Variants in RBFOX1 observed in about 807,000 individuals in gnomAD.
RBFOX1 encodes the protein RNA binding protein fox-1 homolog 1.
Under a neutral mutation model 57.7 loss-of-function variants are expected in RBFOX1, and 8 were observed. That is an observed-to-expected ratio of 0.14 (90% confidence interval 0.08 to 0.25). The LOEUF is 0.25. Among genes scored for constraint, RBFOX1 ranks in the 10% least tolerant of loss-of-function variants. The pLI, the probability that RBFOX1 is intolerant of heterozygous loss-of-function variation, is 1.00. For missense variants in RBFOX1, 611 were observed against 548.5 expected (o/e 1.11, Z -1.14); for synonymous variants, 326 against 222.4 (o/e 1.47, Z -4.15).
At chr16:7,341,761 T>G (rs1401536624) in intron 4 of RBFOX1, among the ~76,000 whole-genome samples, 1 of 74,180 alleles carries the variant, frequency 1.3e-5, no homozygotes, top group African/African-American at 5.8e-5. Flanking sequence ...CCTCCTTCCC[T>G]CCTTCCCTCC....
chr16:7,579,175 C>A (rs563119717), intron 5 of RBFOX1, among the ~76,000 whole-genome samples: 1 of 152,136 alleles, frequency 6.6e-6, no homozygotes, highest in Non-Finnish European at 1.5e-5. Context: ...TAGTGGACAG[C>A]AAAAGTTTGT....
At chr16:6,868,008 A>G (rs908999678) in intron 3 of RBFOX1, among the ~76,000 whole-genome samples, 12 of 152,192 alleles carry the variant, frequency 7.9e-5, no homozygotes, top group Non-Finnish European at 2.9e-5. Context: ...AGAAGCTGAA[A>G]CTACTATACT....
intron 4 of RBFOX1, among the ~76,000 whole-genome samples, chr16:7,186,994 C>CAAAAAA (rs35177784): frequency 7.2e-5 from 5 of 69,288 alleles, no homozygotes; most frequent in African/African-American, 2.6e-4. Context: ...CCCACCTCCA[C>CAAAAAA]AAAAAAAAAA....
intron 4 of RBFOX1, among the ~76,000 whole-genome samples, chr16:7,259,050 A>G (rs1373261461): frequency 6.6e-6 from 1 of 152,110 alleles, no homozygotes; most frequent in African/African-American, 2.4e-5. Context: ...CTTTGAGAAA[A>G]CTAGTAGCTA....
chr16:6,502,037 A>C (rs1168626451), intron 2 of RBFOX1, among the ~76,000 whole-genome samples: 3 of 152,130 alleles, frequency 2.0e-5, no homozygotes, highest in African/African-American at 7.2e-5. Flanking sequence ...GGGGGTCATG[A>C]GGGTATAACC....
chr16:7,431,525 C>T (rs1000629172), intron 4 of RBFOX1, among the ~76,000 whole-genome samples: 3 of 152,146 alleles, frequency 2.0e-5, no homozygotes, highest in African/African-American at 7.2e-5. Context: ...TGGGCGTGAG[C>T]CACCGCGCCA....
intron 2 of RBFOX1, among the ~76,000 whole-genome samples, chr16:5,501,539 G>C (rs374481410): frequency 3.7e-4 from 56 of 152,062 alleles, no homozygotes; most frequent in African/African-American, 1.2e-3. Flanking sequence ...CAAATCCAAG[G>C]CTGGCTTTGG....
At chr16:6,410,220 G>A (rs961785122) in intron 2 of RBFOX1, among the ~76,000 whole-genome samples, 2 of 149,270 alleles carry the variant, frequency 1.3e-5, no homozygotes, top group African/African-American at 5.0e-5. Flanking sequence ...GCATATGAAT[G>A]TGCTTTTACA....
chr16:6,695,412 T>TA (rs2060877088), intron 3 of RBFOX1, among the ~76,000 whole-genome samples: 1 of 13,832 alleles, frequency 7.2e-5, no homozygotes, highest in Non-Finnish European at 1.5e-4. Context: ...AGAAACTCTG[T>TA]CAAAAAAAAA....
At chr16:7,105,590 A>G (rs11643341) in intron 4 of RBFOX1, among the ~76,000 whole-genome samples, 30,262 of 151,882 alleles carry the variant, frequency 0.2, 3,289 homozygotes, top group East Asian at 0.34. Context: ...TTGGTTTTGC[A>G]TTCCTGAGTT....
At chr16:6,680,179 A>T (rs971554537) in intron 3 of RBFOX1, among the ~76,000 whole-genome samples, 1 of 151,790 alleles carries the variant, frequency 6.6e-6, no homozygotes. Context: ...TAGAATAGCA[A>T]TTTCGTATGG....
intron 2 of RBFOX1, among the ~76,000 whole-genome samples, chr16:5,577,390 A>G (rs144569970): frequency 5.7e-4 from 86 of 152,210 alleles, no homozygotes; most frequent in African/African-American, 1.9e-3. Context: ...TCACCTCAAC[A>G]TTTTTATGTT....
At chr16:6,485,364 C>T (rs533611374) in intron 2 of RBFOX1, among the ~76,000 whole-genome samples, 2 of 152,244 alleles carry the variant, frequency 1.3e-5, no homozygotes, top group East Asian at 3.9e-4. Context: ...CTTCTCTTCT[C>T]TCTCTTGGTC....
rs549678773 is a variant in RBFOX1, at chr16:7,029,704, T to A, written c.-15-22353T>A. Among the ~76,000 whole-genome samples the A allele has an allele frequency of 7.5e-4, 114 of 152,274 alleles. 1 individual carries two copies. The highest frequency in any genetic ancestry group is 4.6e-4 in the Non-Finnish European group (31 of 68,020). On this transcript the variant is annotated intron_variant, in intron 3 of 15. Transcript: ENST00000550418. The stretch of plus-strand genomic sequence containing the variant: ...AGATGAAAGAAGCTGGGAGACTCTA[T>A]AATTATAGGGTGGTAGCATCTCATG...
At chr16:7,370,744 G>C (rs2097550424) in intron 4 of RBFOX1, among the ~76,000 whole-genome samples, 1 of 152,170 alleles carries the variant, frequency 6.6e-6, no homozygotes, top group Admixed American at 6.5e-5. Context: ...GGTACCCGAG[G>C]TTTTGGAATG....
At chr16:5,699,572 G>T (rs942367692) in intron 3 of RBFOX1, among the ~76,000 whole-genome samples, 1 of 151,954 alleles carries the variant, frequency 6.6e-6, no homozygotes, top group Non-Finnish European at 1.5e-5. Context: ...TGTCTGCTTG[G>T]GGGCAAAATT....
intron 3 of RBFOX1, among the ~76,000 whole-genome samples, chr16:6,921,773 G>A (rs1262747762): frequency 6.8e-6 from 1 of 146,346 alleles, no homozygotes; most frequent in African/African-American, 2.5e-5. Flanking sequence ...ATATGAAGAT[G>A]TATGTTGTAT....
intron 5 of RBFOX1, among the ~76,000 whole-genome samples, chr16:7,575,522 G>T (rs1398636163): frequency 1.3e-5 from 2 of 152,136 alleles, no homozygotes; most frequent in Non-Finnish European, 2.9e-5. Context: ...TGAAGCAGAG[G>T]ATGGAAGGAT....
intron 4 of RBFOX1, among the ~76,000 whole-genome samples, chr16:5,976,048 G>A (rs1027567330): frequency 1.4e-4 from 21 of 152,062 alleles, no homozygotes; most frequent in African/African-American, 4.8e-4. Flanking sequence ...GGAGGCTGAG[G>A]CAAGAGAATT....
Sources: allele counts gnomAD v4.1 joint callset (sites outside exome capture counted in the v4.1 genomes callset), GRCh38; gene constraint gnomAD v4.1.1; transcripts MANE v1.5; gene names NCBI Gene and HGNC (gene_info 2026-07-23, HGNC 2026-07-21).